The following CCDC33 variants were observed in gnomAD, a reference collection of about 807,000 sequenced individuals.
CCDC33 encodes coiled-coil domain-containing protein 33.
Under a neutral mutation model 91.9 loss-of-function variants are expected in CCDC33, and 94 were observed. The observed-to-expected ratio is 1.02, with a 90% confidence interval of 0.87 to 1.21. The LOEUF (loss-of-function observed/expected upper bound fraction) is 1.21. CCDC33 is among the 50% of genes most tolerant of loss of function. The pLI, the probability that CCDC33 is intolerant of heterozygous loss-of-function variation, is 0.00. For missense variants in CCDC33, 940 were observed against 935.5 expected, an observed-to-expected ratio of 1.00 and a Z score of -0.06; for synonymous variants, 396 against 374.5, an observed-to-expected ratio of 1.06 and a Z score of -0.66.
chr15:74,280,748 A>G lies in CCDC33; in HGVS notation c.970A>G (p.Met324Val). The G allele has an allele frequency of 6.3e-7, 1 of 1,578,158 alleles. No individual in the cohort carries two copies. The highest frequency in any genetic ancestry group is 8.6e-7 in the Non-Finnish European group (1 of 1,161,838). The part of the protein sequence containing the change: ...LPLKSRLYQK[M>V]LTGKGLDGLH... The stretch of plus-strand genomic sequence containing the variant: ...GCTAAAGAGCCGTTTGTACCAGAAG[A>G]TGCTGACAGGGAAAGGCTTGGACGG... The change falls in exon 9 of 19, where the codon ATG (methionine) becomes GTG (valine). Residue 324 changes from methionine (M) to valine (V), a missense_variant. By Grantham distance (21) the Met-to-Val change is conservative. Coordinates refer to ENST00000398814, the MANE Select transcript of CCDC33 (RefSeq NM_025055.5).
intron 16 of CCDC33, among the ~76,000 whole-genome samples, chr15:74,333,653 A>C (rs796249427): frequency 1.8e-4 from 27 of 152,286 alleles, no homozygotes; most frequent in African/African-American, 5.5e-4. Flanking sequence ...TTGTGTCAAA[A>C]CTTCGTATTC....
chr15:74,317,899 T>G lies in CCDC33; in HGVS notation c.1291-12290T>G, dbSNP rs866000593. Among the ~76,000 whole-genome samples the G allele has an allele frequency of 7.2e-3, 1,074 of 149,704 alleles. 11 individuals are homozygous for G. The highest frequency in any genetic ancestry group is 0.025 in the African/African-American group (1,030 of 40,656). ...CTTGTTTGGGTTTGTTTTTTTTTTT[T>G]TTTTTTTTTTTGCTTCCCAGTGAGT... On this transcript the variant is annotated intron_variant, in intron 11 of 18. Transcript: ENST00000398814.
intron 1 of CCDC33, among the ~76,000 whole-genome samples, chr15:74,208,353 C>A (rs543535203): frequency 6.6e-6 from 1 of 152,164 alleles, no homozygotes; most frequent in African/African-American, 2.4e-5. Context: ...AAGAGCCCCA[C>A]GTTCTCCGTT....
At chr15:74,230,502 T>C (rs944055410) in intron 2 of CCDC33, among the ~76,000 whole-genome samples, 2 of 152,178 alleles carry the variant, frequency 1.3e-5, no homozygotes, top group Admixed American at 6.5e-5. Context: ...ATTTATGACA[T>C]GATGGAGGGA....
At chr15:74,307,286 T>C (rs1451714473) in intron 11 of CCDC33, among the ~76,000 whole-genome samples, 1 of 152,156 alleles carries the variant, frequency 6.6e-6, no homozygotes, top group African/African-American at 2.4e-5. Flanking sequence ...CAGCCCAACC[T>C]TAGTACTCAT....
chr15:74,255,236 TG>T (rs2142334781), intron 2 of CCDC33, among the ~76,000 whole-genome samples: 1 of 151,974 alleles, frequency 6.6e-6, no homozygotes, highest in Non-Finnish European at 1.5e-5. Flanking sequence ...TCGAAACCTG[TG>T]AGATACTGAG....
At chr15:74,272,707 G>T (rs1018404114) in intron 6 of CCDC33, 64 bp from the exon 7 acceptor site, 2 of 1,590,838 alleles carry the variant, frequency 1.3e-6, no homozygotes, top group Non-Finnish European at 1.7e-6. Flanking sequence ...TAAGCGGGGG[G>T]CCCTGGGCTG....
intron 1 of CCDC33, among the ~76,000 whole-genome samples, chr15:74,237,207 AG>A (rs1830942206): frequency 6.6e-6 from 1 of 152,252 alleles, no homozygotes; most frequent in African/African-American, 2.4e-5. Context: ...TCTGAAGAGA[AG>A]GGATTTTTGT....
At position 74,280,194 on chromosome 15, in the gene CCDC33, A is replaced by G. The variant is rs2076555912; in HGVS notation, c.889+102A>G. On this transcript the variant is annotated intron_variant, in intron 8 of 18. Coordinates refer to ENST00000398814, the MANE Select transcript of CCDC33 (RefSeq NM_025055.5). ...CCACCTCTGCCTCCCACAGGGATGG[A>G]TGGTTCCCAGGTGTCCAGGCGGCTT... The G allele has an allele frequency of 4.2e-6, 6 of 1,425,192 alleles. No homozygotes were observed. In the African/African-American group the frequency reaches 8.4e-5, roughly 20 times the overall value. The allele number at this position is 1,425,192 out of a possible 1,614,324, so 88.3% of individuals were successfully genotyped here. A position where few individuals can be genotyped will look rare whatever the true frequency, so the allele number is the denominator to read the frequency against.
At chr15:74,261,342 A>T (rs562347399) in intron 2 of CCDC33, among the ~76,000 whole-genome samples, 1 of 152,302 alleles carries the variant, frequency 6.6e-6, no homozygotes, top group African/African-American at 2.4e-5. Context: ...GGGACTCCAG[A>T]GGGCTTCTTG....
intron 10 of CCDC33, 68 bp downstream of exon 10, chr15:74,281,917 C>T (rs2059374630): frequency 1.4e-6 from 2 of 1,383,406 alleles, no homozygotes; most frequent in African/African-American, 1.4e-5. Flanking sequence ...ACTTCCTTCA[C>T]AATTGCTGGC....
At chr15:74,219,259 G>T (rs953165335) in intron 2 of CCDC33, among the ~76,000 whole-genome samples, 4 of 152,194 alleles carry the variant, frequency 2.6e-5, no homozygotes, top group Admixed American at 6.5e-5. Flanking sequence ...ACCAGGAGGG[G>T]CTCAACCCCA....
intron 2 of CCDC33, among the ~76,000 whole-genome samples, chr15:74,223,501 T>G (rs2074673723): frequency 6.6e-6 from 1 of 151,934 alleles, no homozygotes; most frequent in South Asian, 2.1e-4. Flanking sequence ...AGAAAAACAC[T>G]CCAATTGTTC....
chr15:74,317,685 G>A (rs1038442093), intron 11 of CCDC33, among the ~76,000 whole-genome samples: 10 of 152,168 alleles, frequency 6.6e-5, no homozygotes, highest in Non-Finnish European at 1.2e-4. Flanking sequence ...AGGTCCAGGT[G>A]GAGGGCCCTA....
chr15:74,266,012 A>G (rs933803981), intron 3 of CCDC33, among the ~76,000 whole-genome samples: 7 of 152,388 alleles, frequency 4.6e-5, no homozygotes, highest in African/African-American at 1.7e-4. Context: ...TGACAAAGTG[A>G]GACGCTGTCT....
upstream of CCDC33, chr15:74,213,612 C>T (rs1425683586): frequency 6.6e-6 from 1 of 152,268 alleles, no homozygotes; most frequent in African/African-American, 2.4e-5. Context: ...GGGAAGCTTT[C>T]CCCTGGCCGC....
intron 10 of CCDC33, among the ~76,000 whole-genome samples, chr15:74,292,201 G>A (rs1488359918): frequency 6.6e-6 from 1 of 152,238 alleles, no homozygotes; most frequent in Non-Finnish European, 1.5e-5. Context: ...GGAAAGGAGA[G>A]CGAGGCAAGG....
chr15:74,255,570 G>A (rs555370282), intron 2 of CCDC33, among the ~76,000 whole-genome samples: 3 of 152,388 alleles, frequency 2.0e-5, no homozygotes, highest in South Asian at 4.1e-4. Flanking sequence ...GTGCTCCTGC[G>A]GTGCCCTGTG....
At chr15:74,331,866 C>T (rs7167605) in intron 15 of CCDC33, among the ~76,000 whole-genome samples, 3 of 152,062 alleles carry the variant, frequency 2.0e-5, no homozygotes, top group Non-Finnish European at 2.9e-5. Context: ...CCCATCTCTA[C>T]TAAAAATACA....
Sources: allele counts gnomAD v4.1 joint callset (sites outside exome capture counted in the v4.1 genomes callset), GRCh38; gene constraint gnomAD v4.1.1; transcripts MANE v1.5; gene names NCBI Gene and HGNC (gene_info 2026-07-23, HGNC 2026-07-21).